Variants in SNX29 observed in about 807,000 individuals in gnomAD.
The protein encoded by SNX29 is sorting nexin 29.
In SNX29, 78 loss-of-function variants were observed where a neutral mutation model predicts 102.1. The observed-to-expected ratio is 0.76, with a 90% confidence interval of 0.64 to 0.92. The LOEUF (loss-of-function observed/expected upper bound fraction) is 0.92. SNX29 is among the 40% of genes least tolerant of loss of function. SNX29 has a pLI of 0.00. For synonymous variants in SNX29, 580 were observed against 414.5 expected, an observed-to-expected ratio of 1.40 and a Z score of -4.85; for missense variants, 1,280 against 1,061.7, an observed-to-expected ratio of 1.21 and a Z score of -2.86.
At chr16:12,397,321 G>T (rs1567521465) in intron 16 of SNX29, among the ~76,000 whole-genome samples, 2 of 152,186 alleles carry the variant, frequency 1.3e-5, no homozygotes, top group Non-Finnish European at 2.9e-5. Context: ...CCTGTTTGCT[G>T]AGGGTTTATA....
chr16:12,049,226 T>C (rs2050207700), intron 7 of SNX29, among the ~76,000 whole-genome samples: 2 of 152,084 alleles, frequency 1.3e-5, no homozygotes, highest in Middle Eastern at 3.2e-3. Context: ...TGGTGGCTCA[T>C]GCCTATAATC....
intron 15 of SNX29, among the ~76,000 whole-genome samples, chr16:12,339,414 C>A (rs2081550884): frequency 1.5e-5 from 2 of 132,624 alleles, no homozygotes; most frequent in South Asian, 5.0e-4. Flanking sequence ...TAGTGAGTTT[C>A]TTGTGAGTGG....
At chr16:12,186,121 A>T (rs142461977) in intron 13 of SNX29, among the ~76,000 whole-genome samples, 7 of 152,344 alleles carry the variant, frequency 4.6e-5, no homozygotes, top group African/African-American at 1.2e-4. Flanking sequence ...AGTACCAGTT[A>T]TGAGCTATTC....
intron 11 of SNX29, chr16:12,088,130 C>G (rs1197800099): frequency 6.6e-6 from 3 of 456,482 alleles, no homozygotes; most frequent in Non-Finnish European, 4.4e-6. Flanking sequence ...CTGCAGGGCA[C>G]CAGCTCAGTC....
At chr16:12,416,751 G>A (rs1279764814) in intron 18 of SNX29, among the ~76,000 whole-genome samples, 1 of 152,092 alleles carries the variant, frequency 6.6e-6, no homozygotes, top group Non-Finnish European at 1.5e-5. Context: ...GAGAGGAGGA[G>A]GTGTTACTCT....
chr16:12,463,141 C>T (rs576224147), intron 18 of SNX29, among the ~76,000 whole-genome samples: 27 of 152,204 alleles, frequency 1.8e-4, no homozygotes, highest in Non-Finnish European at 2.8e-4. Flanking sequence ...CACTGCTGCC[C>T]GTCAGCGGTC....
At chr16:12,441,564 C>T (rs1471279975) in intron 18 of SNX29, among the ~76,000 whole-genome samples, 4 of 152,132 alleles carry the variant, frequency 2.6e-5, no homozygotes, top group Admixed American at 2.6e-4. Context: ...TTCAGTTCTC[C>T]CGTTTTGTGG....
intron 18 of SNX29, among the ~76,000 whole-genome samples, chr16:12,457,340 G>C (rs2086583401): frequency 6.6e-6 from 1 of 152,142 alleles, no homozygotes; most frequent in Non-Finnish European, 1.5e-5. Flanking sequence ...GGTGGAGTCG[G>C]GGGTTAATTG....
rs532411477 is a variant in SNX29, at chr16:12,054,587, C to T, written c.1124+2365C>T. On this transcript the variant is annotated intron_variant, in intron 8 of 20. Coordinates refer to ENST00000566228, the MANE Select transcript of SNX29 (RefSeq NM_032167.5). ...GGAACATGGCTTTTCGGCCCTGGGC[C>T]AGGGACTCCCACTATCTGCTCTCCT... 3.3e-5 allele frequency among the ~76,000 whole-genome samples: 5 copies of T among 152,352 alleles called. No individual in the cohort carries two copies. The East Asian group carries it at 9.6e-4, about 29-fold the overall frequency.
chr16:12,122,361 T>A (rs1329053176), intron 11 of SNX29, among the ~76,000 whole-genome samples: 2 of 151,812 alleles, frequency 1.3e-5, no homozygotes, highest in Non-Finnish European at 2.9e-5. Flanking sequence ...ACAAGTGGGG[T>A]GGGTGGGACT....
At chr16:12,486,530 C>T (rs1272417160) in intron 19 of SNX29, among the ~76,000 whole-genome samples, 2 of 152,246 alleles carry the variant, frequency 1.3e-5, no homozygotes, top group African/African-American at 2.4e-5. Context: ...CTTGCTTGGG[C>T]CATCTCGCTT....
At chr16:12,179,888 T>G (rs1271349402) in intron 13 of SNX29, among the ~76,000 whole-genome samples, 1 of 152,264 alleles carries the variant, frequency 6.6e-6, no homozygotes, top group Non-Finnish European at 1.5e-5. Context: ...CTTAGAAGAC[T>G]TGCCCAAAGG....
chr16:12,533,290 A>G (rs1377146663), intron 20 of SNX29, among the ~76,000 whole-genome samples: 4 of 152,242 alleles, frequency 2.6e-5, no homozygotes, highest in Admixed American at 6.5e-5. Flanking sequence ...AGCTTCCTGG[A>G]AAGTCAGCCC....
At chr16:12,437,122 G>T (rs1039012599) in intron 18 of SNX29, among the ~76,000 whole-genome samples, 5 of 152,252 alleles carry the variant, frequency 3.3e-5, no homozygotes, top group African/African-American at 1.2e-4. Flanking sequence ...TGTGCATAAA[G>T]AATCATGGGG....
chr16:12,129,689 T>A lies in SNX29; in HGVS notation c.1526T>A (p.Val509Glu), dbSNP rs1243493327. 6.2e-7 allele frequency: 1 copy of A among 1,611,086 alleles called. No homozygotes were observed. Among genetic ancestry groups the A allele is most frequent in the Admixed American group, 1.7e-5 (1 of 59,896 alleles). ...CACTCAGCCGCGCTCCGGCAAGAGG[T>A]GGACACCTTGAAAAGGAAGGTGGCT... is the stretch of plus-strand genomic sequence containing the variant. The part of the protein sequence containing the change: ...MEHSAALRQE[V>E]DTLKRKVAEQ... The change falls in exon 13 of 21, where the codon GTG becomes GAG. Residue 509 changes from valine to glutamate, a missense_variant. Physicochemically the swap from Val to Glu is moderately radical, Grantham distance 121. Coordinates refer to ENST00000566228, the MANE Select transcript of SNX29 (RefSeq NM_032167.5).
chr16:12,293,872 C>T (rs999364672), intron 15 of SNX29, among the ~76,000 whole-genome samples: 1 of 152,136 alleles, frequency 6.6e-6, no homozygotes, highest in African/African-American at 2.4e-5. Flanking sequence ...TTATACGGTG[C>T]CAGGCATATT....
At chr16:12,492,567 G>A (rs2088605682) in intron 19 of SNX29, among the ~76,000 whole-genome samples, 1 of 152,238 alleles carries the variant, frequency 6.6e-6, no homozygotes, top group South Asian at 2.1e-4. Flanking sequence ...GGCTTTTGTT[G>A]CCATTGCTTT....
chr16:12,079,101 TGGGCGTGTGCGCGCTAAA>T (rs1211505786), intron 11 of SNX29, among the ~76,000 whole-genome samples, 186 bp downstream of exon 11: 1 of 152,214 alleles, frequency 6.6e-6, no homozygotes, highest in Non-Finnish European at 1.5e-5. Flanking sequence ...GCGTGGCGCT[TGGGCGTGTGCGCGCTAAA>T]GGGCGTGCCT....
chr16:12,394,516 A>C (rs8053319), intron 16 of SNX29, among the ~76,000 whole-genome samples: 79,143 of 151,982 alleles, frequency 0.52, 21,580 homozygotes, highest in Non-Finnish European at 0.61. Flanking sequence ...CTATTTTTTT[A>C]TCTCTCATGA....
Sources: allele counts gnomAD v4.1 joint callset (sites outside exome capture counted in the v4.1 genomes callset), GRCh38; gene constraint gnomAD v4.1.1; transcripts MANE v1.5; gene names NCBI Gene and HGNC (gene_info 2026-07-23, HGNC 2026-07-21).